PRKCA: variants seen among roughly 807,000 people sequenced by gnomAD.
PRKCA encodes the protein protein kinase C alpha type.
Under a neutral mutation model 87.0 loss-of-function variants are expected in PRKCA, and 27 were observed. The observed-to-expected ratio is 0.31, with a 90% CI of 0.23 to 0.43. The LOEUF is 0.43. PRKCA is among the 20% of genes least tolerant of loss of function. The pLI, the probability that PRKCA is intolerant of heterozygous loss-of-function variation, is 1.00. For synonymous variants in PRKCA, 329 were observed against 311.1 expected (o/e 1.06, Z -0.61); for missense variants, 518 against 852.3 (o/e 0.61, Z 4.88).
At chr17:66,726,493 G>A (rs73329763) in intron 8 of PRKCA, among the ~76,000 whole-genome samples, 5,342 of 152,260 alleles carry the variant, frequency 0.035, 330 homozygotes, top group African/African-American at 0.12. Flanking sequence ...GTTTCAGGAA[G>A]ACCACTGTGG....
At chr17:66,411,888 T>TA (rs918905423) in intron 2 of PRKCA, among the ~76,000 whole-genome samples, 1 of 151,954 alleles carries the variant, frequency 6.6e-6, no homozygotes, top group South Asian at 2.1e-4. Context: ...TTGAGAATAT[T>TA]AAAAAAACCT....
At chr17:66,656,913 A>C (rs1184067011) in intron 5 of PRKCA, among the ~76,000 whole-genome samples, 1 of 152,212 alleles carries the variant, frequency 6.6e-6, no homozygotes, top group East Asian at 1.9e-4. Flanking sequence ...AGCTGCTCTG[A>C]TATCTTAGCA....
chr17:66,787,091 T>A, intron 15 of PRKCA, 117 bp downstream of exon 15: 1 of 889,756 alleles, frequency 1.1e-6, no homozygotes. Flanking sequence ...CCACTGCATT[T>A]TGGCCATCGA....
At chr17:66,782,534 A>G (rs576108059) in intron 14 of PRKCA, among the ~76,000 whole-genome samples, 5 of 152,144 alleles carry the variant, frequency 3.3e-5, no homozygotes, top group Admixed American at 1.3e-4. Context: ...CCTGATTCCC[A>G]TCAATTCATT....
At chr17:66,526,626 C>T (rs1260370085) in intron 3 of PRKCA, among the ~76,000 whole-genome samples, 1 of 152,144 alleles carries the variant, frequency 6.6e-6, no homozygotes, top group African/African-American at 2.4e-5. Flanking sequence ...CATGTCGTTA[C>T]TTCTGTCTCA....
At chr17:66,345,054 C>G (rs1320631607) in intron 2 of PRKCA, among the ~76,000 whole-genome samples, 1 of 152,162 alleles carries the variant, frequency 6.6e-6, no homozygotes, top group Non-Finnish European at 1.5e-5. Context: ...AAGGATTACC[C>G]TTTTTATTTT....
In PRKCA at chr17:66,443,910, C is replaced by T. The variant is rs564905482; in HGVS notation, c.206-52291C>T. ...CGCTACATCTGAGCACAGACTTAACCCAGAAACGCAGGCGGTCAGGAAATC... is the reference window on the plus strand; with the variant it reads ...CGCTACATCTGAGCACAGACTTAACTCAGAAACGCAGGCGGTCAGGAAATC... On this transcript the variant is annotated intron_variant, in intron 2 of 16. Transcript: ENST00000413366. Among the ~76,000 whole-genome samples the T allele has an allele frequency of 2.6e-5, 4 of 152,196 alleles. No individual in the cohort carries two copies. The East Asian group carries it at 7.7e-4, about 29-fold the overall frequency.
At chr17:66,541,673 A>G (rs1396606411) in intron 3 of PRKCA, among the ~76,000 whole-genome samples, 2 of 152,266 alleles carry the variant, frequency 1.3e-5, no homozygotes, top group Admixed American at 1.3e-4. Flanking sequence ...TTTGCCTGCC[A>G]TACACAAGCC....
chr17:66,661,184 G>A (rs1203250808), intron 5 of PRKCA, among the ~76,000 whole-genome samples: 1 of 152,100 alleles, frequency 6.6e-6, no homozygotes, highest in Admixed American at 6.6e-5. Flanking sequence ...TCTTGCAGCT[G>A]CATGTCTTCT....
chr17:66,308,474 TACAA>T (rs1904933069), intron 2 of PRKCA, among the ~76,000 whole-genome samples: 1 of 152,206 alleles, frequency 6.6e-6, no homozygotes, highest in South Asian at 2.1e-4. Flanking sequence ...ACTCTGGATT[TACAA>T]ACCAGACAAA....
intron 8 of PRKCA, among the ~76,000 whole-genome samples, chr17:66,697,580 G>T (rs79337152): frequency 0.068 from 10,363 of 152,178 alleles, 388 homozygotes; most frequent in South Asian, 0.14. Flanking sequence ...TAAGCACCCA[G>T]CTCCCCCAGC....
chr17:66,742,073 GGA>G (rs1974169163), intron 12 of PRKCA, among the ~76,000 whole-genome samples: 1 of 152,188 alleles, frequency 6.6e-6, no homozygotes, highest in Admixed American at 6.5e-5. Context: ...AGGGAACTGG[GGA>G]GAGGCAAGGA....
At chr17:66,502,939 A>G (rs1454277241) in intron 3 of PRKCA, among the ~76,000 whole-genome samples, 3 of 152,178 alleles carry the variant, frequency 2.0e-5, no homozygotes, top group Non-Finnish European at 1.5e-5. Context: ...GATTACAGGC[A>G]TGAGCCACCG....
chr17:66,429,634 G>A (rs533805414), intron 2 of PRKCA, among the ~76,000 whole-genome samples: 1 of 152,104 alleles, frequency 6.6e-6, no homozygotes, highest in Non-Finnish European at 1.5e-5. Context: ...CCTCACCTAA[G>A]GTCCAACTGC....
At chr17:66,605,141 GTTTTA>G (rs1219066984) in intron 3 of PRKCA, among the ~76,000 whole-genome samples, 2 of 152,202 alleles carry the variant, frequency 1.3e-5, no homozygotes, top group Non-Finnish European at 2.9e-5. Flanking sequence ...AGACTGCATT[GTTTTA>G]TTCCAAGCAT....
rs940144992 is a variant in PRKCA, at chr17:66,804,200, GTC to G, written c.*171_*172del. The G allele has an allele frequency of 9.6e-5, 90 of 938,148 alleles. No homozygotes were observed. The African/African-American group carries it at 1.3e-3, about 13-fold the overall frequency. 58.1% of individuals were successfully genotyped at this position (938,148 alleles called of 1,614,324 possible). Reference sequence around the variant, plus strand: ...GTCCAAATGTGATCAACTGTTCAGGGTCTCTCTCTTACAACCAAGAACATTAT... The same window carrying G: ...GTCCAAATGTGATCAACTGTTCAGGGTCTCTCTTACAACCAAGAACATTAT... On this transcript the variant is annotated 3_prime_UTR_variant, in exon 17 of 17. Coordinates refer to ENST00000413366, the MANE Select transcript of PRKCA (RefSeq NM_002737.3).
intron 3 of PRKCA, among the ~76,000 whole-genome samples, chr17:66,618,534 A>G (rs867490259): frequency 1.3e-5 from 2 of 152,122 alleles, no homozygotes. Flanking sequence ...AAACATCACA[A>G]TTTTAGAATT....
At chr17:66,694,610 T>A (rs1972872923) in intron 8 of PRKCA, among the ~76,000 whole-genome samples, 1 of 151,294 alleles carries the variant, frequency 6.6e-6, no homozygotes, top group Non-Finnish European at 1.5e-5. Context: ...AACAGAAACG[T>A]CACAGTTGAT....
chr17:66,424,756 C>T (rs1281759390), intron 2 of PRKCA, among the ~76,000 whole-genome samples: 4 of 151,708 alleles, frequency 2.6e-5, no homozygotes, highest in Non-Finnish European at 2.9e-5. Context: ...CCACCCCCAC[C>T]GCCTTTTTTT....
Sources: allele counts gnomAD v4.1 joint callset (sites outside exome capture counted in the v4.1 genomes callset), GRCh38; gene constraint gnomAD v4.1.1; transcripts MANE v1.5; gene names NCBI Gene and HGNC (gene_info 2026-07-23, HGNC 2026-07-21).